The following SYNPR variants were observed in gnomAD, a reference collection of about 807,000 sequenced individuals.
SYNPR encodes the protein synaptoporin.
SYNPR carries 23 observed loss-of-function variants against 32.9 expected under a neutral mutation model. The observed-to-expected ratio is 0.70, with a 90% CI of 0.50 to 0.99. The LOEUF is 0.99. SYNPR is among the 50% of genes least tolerant of loss of function. The pLI, the probability that SYNPR is intolerant of heterozygous loss-of-function variation, is 0.00. For synonymous variants in SYNPR, 146 were observed against 135.9 expected (o/e 1.07, Z -0.52); for missense variants, 318 against 349.3 (o/e 0.91, Z 0.71).
chr3:63,348,843 A>C (rs912057970), intron 2 of SYNPR, among the ~76,000 whole-genome samples: 1 of 152,162 alleles, frequency 6.6e-6, no homozygotes, highest in African/African-American at 2.4e-5. Flanking sequence ...GACTGTAGAT[A>C]TGTAGTTTCT....
intron 2 of SYNPR, among the ~76,000 whole-genome samples, chr3:63,320,701 C>T (rs149256992): frequency 7.5e-4 from 114 of 152,106 alleles, no homozygotes; most frequent in African/African-American, 2.4e-3. Flanking sequence ...AACTCTCAGA[C>T]CCTAACAGTT....
intron 3 of SYNPR, among the ~76,000 whole-genome samples, chr3:63,551,599 T>A (rs1037512516): frequency 2.6e-5 from 4 of 152,224 alleles, no homozygotes; most frequent in African/African-American, 7.2e-5. Flanking sequence ...TCCAATCTTA[T>A]ACTCTTTCTT....
chr3:63,349,390 G>A (rs546484789), intron 2 of SYNPR, among the ~76,000 whole-genome samples: 21 of 152,204 alleles, frequency 1.4e-4, no homozygotes, highest in Non-Finnish European at 2.4e-4. Flanking sequence ...GCGAGCCACC[G>A]CGCCTGGCCA....
the SYNPR span, among the ~76,000 whole-genome samples, chr3:63,222,011 ATTTTTTTTTTT>A: frequency 3.5e-5 from 2 of 56,406 alleles, no homozygotes; most frequent in Admixed American, 2.5e-4. Context: ...GCCATGCTCA[ATTTTTTTTTTT>A]TTTTTTTTTT....
chr3:63,345,807 G>T lies in SYNPR; in HGVS notation c.84+67065G>T, dbSNP rs569090092. 1.5e-3 allele frequency among the ~76,000 whole-genome samples: 219 copies of T among 146,244 alleles called. 7 individuals carry two copies. The South Asian group carries it at 0.05, about 34-fold the overall frequency. ...TGAAATGTTGCTTTCGTCTAACATT[G>T]AATTTTCTGGAACTTTTTTTTTTTT... On this transcript the variant is annotated intron_variant, in intron 2 of 5. Coordinates refer to ENST00000478300, the MANE Select transcript of SYNPR (RefSeq NM_001130003.2).
At chr3:63,487,169 T>C (rs1701171710) in intron 3 of SYNPR, among the ~76,000 whole-genome samples, 1 of 152,176 alleles carries the variant, frequency 6.6e-6, no homozygotes, top group Non-Finnish European at 1.5e-5. Flanking sequence ...TATGAGTCAA[T>C]CAAATATTCT....
At chr3:63,410,354 T>C (rs2088445926) in intron 2 of SYNPR, among the ~76,000 whole-genome samples, 1 of 152,288 alleles carries the variant, frequency 6.6e-6, no homozygotes, top group South Asian at 2.1e-4. Flanking sequence ...CTGCTTTCTG[T>C]CATCTCAAAT....
intron 2 of SYNPR, among the ~76,000 whole-genome samples, chr3:63,319,044 C>T (rs2087078228): frequency 6.6e-6 from 1 of 151,970 alleles, no homozygotes; most frequent in East Asian, 1.9e-4. Flanking sequence ...GTCTAGCCAC[C>T]CAGCGAGTCT....
intron 4 of SYNPR, among the ~76,000 whole-genome samples, chr3:63,559,408 A>T (rs1702647667): frequency 6.6e-6 from 1 of 152,164 alleles, no homozygotes. Flanking sequence ...AAATTACTTT[A>T]TTTGCAACTG....
At chr3:63,422,875 C>G (rs1416361618) in intron 2 of SYNPR, among the ~76,000 whole-genome samples, 1 of 151,068 alleles carries the variant, frequency 6.6e-6, no homozygotes, top group African/African-American at 2.4e-5. Context: ...GTTGCAATAA[C>G]AAAAATTGAA....
chr3:63,556,784 A>G (rs1165376867), intron 4 of SYNPR, 43 bp downstream of exon 4: 2 of 1,538,634 alleles, frequency 1.3e-6, no homozygotes, highest in Non-Finnish European at 1.8e-6. Flanking sequence ...TGTTCCTTCT[A>G]ATTTCTTTTA....
chr3:63,303,320 G>T (rs1359626558), intron 2 of SYNPR, among the ~76,000 whole-genome samples: 1 of 145,194 alleles, frequency 6.9e-6, no homozygotes, highest in South Asian at 2.2e-4. Flanking sequence ...GAGTCTGTTT[G>T]TCAGAAGACC....
chr3:63,529,441 C>T (rs187870484), intron 3 of SYNPR, among the ~76,000 whole-genome samples: 12 of 152,058 alleles, frequency 7.9e-5, no homozygotes, highest in Admixed American at 2.6e-4. Flanking sequence ...GATGTGGAGC[C>T]CAGGTACAGG....
At chr3:63,235,242 C>T (rs549515842) in intron 1 of SYNPR, among the ~76,000 whole-genome samples, 2 of 152,266 alleles carry the variant, frequency 1.3e-5, no homozygotes, top group African/African-American at 4.8e-5. Context: ...GGAAACAGGC[C>T]TGTTGGCTGG....
At chr3:63,488,240 T>C (rs182207535) in intron 3 of SYNPR, among the ~76,000 whole-genome samples, 1 of 152,384 alleles carries the variant, frequency 6.6e-6, no homozygotes, top group East Asian at 1.9e-4. Flanking sequence ...TGCAATTACA[T>C]TTAAGTATTC....
rs532403916 is a variant in SYNPR at position 63,479,185 on chromosome 3, C to G, written c.85-1647C>G. Reference sequence around the variant, plus strand: ...TTGGATGTTGGCTCACTGGGGCAGACAGCCAGACAGATTTGGCTAGGGATT... The same window carrying G: ...TTGGATGTTGGCTCACTGGGGCAGAGAGCCAGACAGATTTGGCTAGGGATT... On this transcript the variant is annotated intron_variant, in intron 2 of 5. Transcript: ENST00000478300. Among the ~76,000 whole-genome samples, 6 of 152,304 alleles carry G rather than the reference C, an allele frequency of 3.9e-5. 1 individual carries two copies. Among genetic ancestry groups the G allele is most frequent in the South Asian group, 2.1e-4 (1 of 4,832 alleles).
chr3:63,219,770 T>C, the SYNPR span, among the ~76,000 whole-genome samples: 2 of 152,334 alleles, frequency 1.3e-5, no homozygotes, highest in Non-Finnish European at 2.9e-5. Flanking sequence ...TCATTCTCAT[T>C]GTCTTCACGT....
chr3:63,466,433 G>C (rs1419106658), intron 2 of SYNPR, among the ~76,000 whole-genome samples: 2 of 151,000 alleles, frequency 1.3e-5, no homozygotes, highest in Non-Finnish European at 2.9e-5. Flanking sequence ...GGACATAGAG[G>C]CTTGCACAAA....
At chr3:63,348,163 C>G (rs894192449) in intron 2 of SYNPR, among the ~76,000 whole-genome samples, 1 of 152,066 alleles carries the variant, frequency 6.6e-6, no homozygotes, top group Non-Finnish European at 1.5e-5. Context: ...TGTATGTGGT[C>G]CCTTTTTTCC....
Sources: gnomAD v4.1 joint callset for allele counts (sites outside exome capture counted in the v4.1 genomes callset) on GRCh38, gnomAD v4.1.1 for gene constraint, MANE v1.5 for transcripts, NCBI Gene and HGNC (gene_info 2026-07-23, HGNC 2026-07-21) for gene names.